MAPK6: variants seen among roughly 807,000 people sequenced by gnomAD.
MAPK6 encodes mitogen-activated protein kinase 6.
A neutral mutation model predicts 59.3 loss-of-function variants in MAPK6; 19 were observed. That is an observed-to-expected ratio of 0.32 (90% CI 0.22 to 0.47). MAPK6 has a LOEUF of 0.47. Ranked by LOEUF, MAPK6 falls within the 20% of genes least tolerant of loss-of-function variation. MAPK6 has a pLI of 1.00. For missense variants in MAPK6, 724 were observed against 847.9 expected, an observed-to-expected ratio of 0.85 and a Z score of 1.81; for synonymous variants, 316 against 290.3, an observed-to-expected ratio of 1.09 and a Z score of -0.90.
chr15:52,027,718 A>T (rs1279226337), intron 1 of MAPK6: 3 of 149,510 alleles, frequency 2.0e-5, no homozygotes, highest in Non-Finnish European at 4.4e-5. Flanking sequence ...GATTACAGGC[A>T]TGAGCCACTC....
intron 3 of MAPK6, among the ~76,000 whole-genome samples, chr15:52,013,113 C>G (rs763345600): frequency 7.1e-6 from 1 of 140,952 alleles, no homozygotes; most frequent in African/African-American, 2.6e-5. Context: ...AGAACTCTCT[C>G]AAGATTCCCT....
intron 2 of MAPK6, 112 bp from the exon 3 acceptor site, chr15:52,049,881 G>A (rs752162112): frequency 1.0e-6 from 1 of 974,186 alleles, no homozygotes; most frequent in Non-Finnish European, 1.6e-6. Flanking sequence ...CCAAAATGCT[G>A]GGATTACAGG....
At chr15:51,996,009 G>T (rs1179622101) in intron 2 of MAPK6, among the ~76,000 whole-genome samples, 1 of 152,094 alleles carries the variant, frequency 6.6e-6, no homozygotes, top group African/African-American at 2.4e-5. Context: ...AGCTACCACC[G>T]CTTTCAGCCT....
At chr15:52,053,303 T>G (rs1460843562) in intron 3 of MAPK6, among the ~76,000 whole-genome samples, 1 of 152,114 alleles carries the variant, frequency 6.6e-6, no homozygotes, top group Non-Finnish European at 1.5e-5. Context: ...CTCGAACTCC[T>G]AACCTGAAGT....
chr15:51,983,314 C>T (rs1595957379), exon 2 of MAPK6, among the ~76,000 whole-genome samples: 1 of 151,700 alleles, frequency 6.6e-6, no homozygotes, highest in Non-Finnish European at 1.5e-5. Context: ...TGGAGAAACC[C>T]CGTATGTACT....
At chr15:52,036,022 C>T (rs2031228966) in intron 1 of MAPK6, among the ~76,000 whole-genome samples, 1 of 152,010 alleles carries the variant, frequency 6.6e-6, no homozygotes, top group East Asian at 1.9e-4. Context: ...AAGTGGAAAT[C>T]CTGAGCCTTT....
Position 52,038,207 on chromosome 15 carries a change from C to T in MAPK6, c.-631-7623C>T, listed in dbSNP as rs925840033. 3.3e-5 allele frequency among the ~76,000 whole-genome samples: 5 copies of T among 150,372 alleles called. 1 individual carries two copies. The highest frequency in any genetic ancestry group is 4.2e-4 in the South Asian group (2 of 4,768). On this transcript the variant is annotated intron_variant, in intron 1 of 5. Coordinates refer to ENST00000261845, the MANE Select transcript of MAPK6 (RefSeq NM_002748.4). ...CTATAGCTTAATGCCTAAAACAATG[C>T]CTGGCACATGGTAAGCATTCAGTAA...
At chr15:51,972,075 G>C (rs1270338606) in intron 1 of MAPK6, among the ~76,000 whole-genome samples, 1 of 152,068 alleles carries the variant, frequency 6.6e-6, no homozygotes, top group African/African-American at 2.4e-5. Context: ...TCGCGAGTCA[G>C]GATTGAAGCC....
At chr15:52,005,870 G>T (rs781482803) in intron 3 of MAPK6, among the ~76,000 whole-genome samples, 1 of 152,146 alleles carries the variant, frequency 6.6e-6, no homozygotes, top group Non-Finnish European at 1.5e-5. Flanking sequence ...AGCCCCCAAG[G>T]ATTACTGCTG....
At chr15:52,060,188 A>G (rs1234943669) in intron 4 of MAPK6, among the ~76,000 whole-genome samples, 1 of 152,204 alleles carries the variant, frequency 6.6e-6, no homozygotes, top group East Asian at 1.9e-4. Flanking sequence ...ACAATGAGCT[A>G]TGATCATGCT....
chr15:52,019,490 C>G (rs1243002888), intron 1 of MAPK6, 114 bp downstream of exon 1: 1 of 147,174 alleles, frequency 6.8e-6, no homozygotes, highest in Admixed American at 6.8e-5. Context: ...GCTCCCTCCT[C>G]CATTGTGTGT....
Position 52,066,750 on chromosome 15 carries a change from CCATA to C in MAPK6, c.*1751_*1754del, listed in dbSNP as rs1481649171. ...ACTGACTTCATCTGGATTCACAAAG[CCATA>C]TATATACACGTGTGTGTGTGTGTGT... On this transcript the variant is annotated 3_prime_UTR_variant, in exon 6 of 6. Coordinates refer to ENST00000261845, the MANE Select transcript of MAPK6 (RefSeq NM_002748.4). 1 of 143,078 alleles carries C rather than the reference CCATA, an allele frequency of 7.0e-6. No homozygotes were observed. Among genetic ancestry groups the C allele is most frequent in the African/African-American group, 2.6e-5 (1 of 38,338 alleles). The allele number at this position is 143,078 out of a possible 1,614,324, so 8.9% of individuals were successfully genotyped here.
At chr15:52,022,141 T>C (rs1434831408) in intron 1 of MAPK6, among the ~76,000 whole-genome samples, 1 of 152,104 alleles carries the variant, frequency 6.6e-6, no homozygotes, top group Non-Finnish European at 1.5e-5. Flanking sequence ...CTGGGCAACA[T>C]AACGAGACCC....
chr15:52,013,002 AAAAAAAAAAAAAAAAAAAATATAT>A (rs1477909856), intron 3 of MAPK6, among the ~76,000 whole-genome samples: 54 of 16,440 alleles, frequency 3.3e-3, no homozygotes, highest in Non-Finnish European at 5.3e-3. Context: ...AAAAAAAAAA[AAAAAAAAAAAAAAAAAAAATATAT>A]ATATATATAT....
At chr15:52,003,519 C>A (rs2057248915) in intron 2 of MAPK6, among the ~76,000 whole-genome samples, 1 of 152,226 alleles carries the variant, frequency 6.6e-6, no homozygotes, top group Non-Finnish European at 1.5e-5. Flanking sequence ...GTGTGCTGAG[C>A]ACAGTCCCCA....
At chr15:52,035,226 CT>C (rs1383185855) in intron 1 of MAPK6, among the ~76,000 whole-genome samples, 2 of 152,228 alleles carry the variant, frequency 1.3e-5, no homozygotes, top group African/African-American at 4.8e-5. Context: ...TTATTCCATG[CT>C]TCCTGTCTTG....
At chr15:52,002,379 G>A (rs1472989841) in intron 2 of MAPK6, among the ~76,000 whole-genome samples, 1 of 152,186 alleles carries the variant, frequency 6.6e-6, no homozygotes, top group Non-Finnish European at 1.5e-5. Context: ...CTAGGTGGAT[G>A]AGTGACCCAG....
intron 3 of MAPK6, among the ~76,000 whole-genome samples, chr15:52,053,610 GATTGATTGATTGATTGGTTGA>G (rs1566911646): frequency 9.3e-3 from 22 of 2,358 alleles, no homozygotes; most frequent in South Asian, 0.077. Flanking sequence ...TTGGTTGATT[GATTGATTGATTGATTGGTTGA>G]TTGATTGATT....
intron 2 of MAPK6, among the ~76,000 whole-genome samples, chr15:51,992,222 T>G (rs2057210888): frequency 1.3e-5 from 2 of 151,496 alleles, no homozygotes; most frequent in South Asian, 2.1e-4. Context: ...CCTCCCAAAG[T>G]GGTGGGCTTA....
Sources: gnomAD v4.1 joint callset for allele counts (sites outside exome capture counted in the v4.1 genomes callset) on GRCh38, gnomAD v4.1.1 for gene constraint, MANE v1.5 for transcripts, NCBI Gene and HGNC (gene_info 2026-07-23, HGNC 2026-07-21) for gene names.